HELZ: variants seen among roughly 807,000 people sequenced by gnomAD.
HELZ encodes helicase with zinc finger, also known as ATP-dependent RNA helicase with zinc finger domain.
Under a neutral mutation model 218.2 loss-of-function variants are expected in HELZ, and 23 were observed. The ratio of observed to expected loss-of-function variants is 0.11; its 90% CI spans 0.08 to 0.15. HELZ has a LOEUF of 0.15. Among genes scored for constraint, HELZ ranks in the 10% least tolerant of loss-of-function variants. The pLI is 1.00. For synonymous variants in HELZ, 814 were observed against 829.4 expected (o/e 0.98, Z 0.32); for missense variants, 1,813 against 2,353.7 (o/e 0.77, Z 4.75).
chr17:67,178,782 A>T lies in HELZ; in HGVS notation c.1307T>A (p.Leu436His), dbSNP rs1313891593. The T allele has an allele frequency of 6.2e-7, 1 of 1,613,860 alleles. No homozygotes were observed. The highest frequency in any genetic ancestry group is 8.5e-7 in the Non-Finnish European group (1 of 1,179,926). ...KSLLIRYQIP[L>H]SADQLFTQSV... is the part of the protein sequence containing the mutation. Reference sequence around the variant, plus strand: ...CTGAGTAAATAGCTGGTCAGCAGAGAGGGGAATTTGGTATCTGATAAGAAG... The same window carrying T: ...CTGAGTAAATAGCTGGTCAGCAGAGTGGGGAATTTGGTATCTGATAAGAAG... The change falls in exon 13 of 33, where the codon CTC becomes CAC. Residue 436 changes from leucine (L) to histidine (H), a missense_variant. Physicochemically the swap from Leu to His is moderately conservative, Grantham distance 99. This residue lies in a region of HELZ where 714 missense variants were observed against 1,029.2 expected (regional missense o/e 0.69). Coordinates refer to ENST00000358691, the MANE Select transcript of HELZ (RefSeq NM_014877.4).
At position 67,087,036 on chromosome 17, in the gene HELZ, A is replaced by T; in HGVS notation, c.5287T>A (p.Ser1763Thr). The change falls in exon 32 of 33, where the codon TCA becomes ACA. Residue 1763 changes from serine to threonine, a missense_variant. By Grantham distance (58) the Ser-to-Thr change is moderately conservative. This residue lies in a region of HELZ where 938 missense variants were observed against 1,027.5 expected (regional missense o/e 0.91). Coordinates refer to ENST00000358691, the MANE Select transcript of HELZ (RefSeq NM_014877.4). ...GAACAAGGTTGAACTGAGCTAGATG[A>T]GATTCTTCTTTGGTACAAGGGCCGA... ...PGRPLYQRRI[S>T]SSSVQPCSEE... is the part of the protein sequence containing the mutation. 2.5e-6 allele frequency: 4 copies of T among 1,613,976 alleles called. No homozygotes were observed. Among genetic ancestry groups the T allele is most frequent in the Non-Finnish European group, 2.5e-6 (3 of 1,179,922 alleles).
At chr17:67,080,460 T>G (rs2036154857) in intron 32 of HELZ, among the ~76,000 whole-genome samples, 1 of 152,204 alleles carries the variant, frequency 6.6e-6, no homozygotes, top group Non-Finnish European at 1.5e-5. Flanking sequence ...GACCTTCTAT[T>G]TAATTAAACA....
Position 67,078,090 on chromosome 17 carries a change from T to A in HELZ, c.*162A>T, listed in dbSNP as rs189760829. 8,010 of 580,260 alleles carry A rather than the reference T, an allele frequency of 0.014. 115 individuals are homozygous for A. Among genetic ancestry groups the A allele is most frequent in the South Asian group, 0.018 (735 of 41,688 alleles). 35.9% of individuals were successfully genotyped at this position (580,260 alleles called of 1,614,324 possible). On this transcript the variant is annotated 3_prime_UTR_variant, in exon 33 of 33. Transcript: ENST00000358691. ...AAATGCAAAATAATGGAATATACTT[T>A]AAAAAAATTAGTTGCAAGTCTAGCA...
At chr17:67,200,857 T>C (rs775634666) in intron 7 of HELZ, 1 of 360,828 alleles carries the variant, frequency 2.8e-6, no homozygotes, top group Non-Finnish European at 5.0e-6. Flanking sequence ...TTCCCATTTG[T>C]TGTCCAGAGA....
At chr17:67,220,837 T>G in intron 3 of HELZ, among the ~76,000 whole-genome samples, 1 of 147,258 alleles carries the variant, frequency 6.8e-6, no homozygotes, top group African/African-American at 2.6e-5. Context: ...TTAATTGTGT[T>G]ATTAAGATAA....
chr17:67,242,122 G>A (rs1392497477), intron 2 of HELZ, among the ~76,000 whole-genome samples: 2 of 152,100 alleles, frequency 1.3e-5, no homozygotes, highest in Non-Finnish European at 2.9e-5. Context: ...TAGGCTTCAA[G>A]AAAAAAGATA....
intron 12 of HELZ, chr17:67,179,559 A>C (rs1350732522): frequency 6.6e-6 from 1 of 152,248 alleles, no homozygotes; most frequent in African/African-American, 2.4e-5. Context: ...AGTAGGGCAC[A>C]ATGTCAAAAC....
chr17:67,198,057 G>A (rs73330312), intron 7 of HELZ, among the ~76,000 whole-genome samples: 11,656 of 152,136 alleles, frequency 0.077, 1,475 homozygotes, highest in African/African-American at 0.26. Context: ...CCCTTCAAAT[G>A]ATTCTATTTA....
At chr17:67,220,604 T>C (rs1408235239) in intron 3 of HELZ, among the ~76,000 whole-genome samples, 1 of 152,072 alleles carries the variant, frequency 6.6e-6, no homozygotes, top group Non-Finnish European at 1.5e-5. Context: ...TAACTCAGCA[T>C]CTTGAGTAGC....
Position 67,076,919 on chromosome 17 carries a change from G to A in HELZ, c.*1333C>T, listed in dbSNP as rs1234544553. 2 of 152,026 alleles carry A rather than the reference G, an allele frequency of 1.3e-5. No homozygotes were observed. Among genetic ancestry groups the A allele is most frequent in the African/African-American group, 4.8e-5 (2 of 41,384 alleles). The allele number at this position is 152,026 out of a possible 1,614,324, so 9.4% of individuals were successfully genotyped here. On this transcript the variant is annotated 3_prime_UTR_variant, in exon 33 of 33. Transcript: ENST00000358691. Reference sequence around the variant, plus strand: ...CTGAAATATAAAAGTAGTATTACAAGGTCAGGAAAATAAGGACATATATTG... The same window carrying A: ...CTGAAATATAAAAGTAGTATTACAAAGTCAGGAAAATAAGGACATATATTG...
chr17:67,089,647 T>TTATATATATATA lies in HELZ; in HGVS notation c.5242-2578_5242-2567dup, dbSNP rs371659847. 9.3e-3 allele frequency among the ~76,000 whole-genome samples: 497 copies of TTATATATATATA among 53,412 alleles called. 4 individuals are homozygous for TTATATATATATA. Among genetic ancestry groups the TTATATATATATA allele is most frequent in the Middle Eastern group, 0.023 (2 of 86 alleles). The allele number at this position is 53,412 out of a possible 152,430, so 35.0% of individuals were successfully genotyped here. On this transcript the variant is annotated intron_variant, in intron 31 of 32. Transcript: ENST00000358691. ...TTTAAAATTAGATCTATTGGAGATT[T>TTATATATATATA]TATATATATATATATATATATAGAG...
rs1051605122 is a variant in HELZ at position 67,141,471 on chromosome 17, T to A, written c.2770-3357A>T. 2.6e-5 allele frequency among the ~76,000 whole-genome samples: 4 copies of A among 151,642 alleles called. No individual in the cohort carries two copies. In the South Asian group the frequency reaches 6.2e-4, roughly 24 times the overall value. On this transcript the variant is annotated intron_variant, in intron 21 of 32. Transcript: ENST00000358691. ...TAATTATAAAAATATATTGAGTTTG[T>A]TATATATAGGTATATTATATATAAT...
chr17:67,124,681 T>C (rs571059922), intron 24 of HELZ, among the ~76,000 whole-genome samples: 23 of 152,212 alleles, frequency 1.5e-4, no homozygotes, highest in Admixed American at 1.2e-3. Flanking sequence ...AATGAAGTAA[T>C]CATGCATTTG....
intron 13 of HELZ, among the ~76,000 whole-genome samples, chr17:67,172,118 C>T (rs1329849867): frequency 6.6e-6 from 1 of 152,200 alleles, no homozygotes; most frequent in Non-Finnish European, 1.5e-5. Context: ...CAGGTGTGAG[C>T]CACCACACCC....
chr17:67,138,638 C>T (rs1450161757), intron 21 of HELZ, among the ~76,000 whole-genome samples: 1 of 152,224 alleles, frequency 6.6e-6, no homozygotes, highest in African/African-American at 2.4e-5. Context: ...CAATTGACAA[C>T]AAACCACAGC....
chr17:67,094,847 GCTTGTGATTCTCTGGCTAAAAAA>G (rs2036694418), intron 31 of HELZ, among the ~76,000 whole-genome samples: 2 of 152,134 alleles, frequency 1.3e-5, no homozygotes, highest in African/African-American at 4.8e-5. Flanking sequence ...ATAATGTATT[GCTTGTGATTCTCTGGCTAAAAAA>G]CTTAATCACA....
At position 67,070,784 on chromosome 17, in the gene HELZ, T is replaced by C. The variant is rs766330537; in HGVS notation, c.*7468A>G. On this transcript the variant is annotated 3_prime_UTR_variant, in exon 33 of 33. Transcript: ENST00000358691. ...TATCATTTACTGCAAAGAAAAAAAA[T>C]TGTTATAATTTTGCCATAAGTTATG... is the stretch of plus-strand genomic sequence containing the variant. 5 of 152,074 alleles carry C rather than the reference T, an allele frequency of 3.3e-5. No individual in the cohort carries two copies. Among genetic ancestry groups the C allele is most frequent in the Admixed American group, 6.5e-5 (1 of 15,274 alleles). The allele number at this position is 152,074 out of a possible 1,614,324, so 9.4% of individuals were successfully genotyped here.
chr17:67,214,209 G>A (rs1294910346), intron 5 of HELZ, among the ~76,000 whole-genome samples: 1 of 150,142 alleles, frequency 6.7e-6, no homozygotes, highest in African/African-American at 2.5e-5. Flanking sequence ...TCTATGAAGT[G>A]AGGTGAACAA....
At chr17:67,203,998 G>A (rs1286694620) in intron 5 of HELZ, among the ~76,000 whole-genome samples, 2 of 152,288 alleles carry the variant, frequency 1.3e-5, no homozygotes, top group Non-Finnish European at 2.9e-5. Context: ...TGAGGATCAT[G>A]TTTCTAACAA....
Sources: allele counts gnomAD v4.1 joint callset (sites outside exome capture counted in the v4.1 genomes callset), GRCh38; gene constraint gnomAD v4.1.1; regional missense constraint gnomAD v4.1.1; transcripts MANE v1.5; gene names NCBI Gene and HGNC (gene_info 2026-07-23, HGNC 2026-07-21).